FRMPD4: variants seen among roughly 807,000 people sequenced by gnomAD.
FRMPD4 encodes the protein FERM and PDZ domain containing 4, also known as FERM and PDZ domain-containing protein 4.
FRMPD4 carries 22 observed loss-of-function variants against 94.1 expected under a neutral mutation model. The observed-to-expected ratio is 0.23, with a 90% CI of 0.17 to 0.33. The LOEUF is 0.33. FRMPD4 is among the 10% of genes least tolerant of loss of function. FRMPD4 has a pLI of 1.00. For synonymous variants in FRMPD4, 631 were observed against 548.6 expected (o/e 1.15, Z -2.10); for missense variants, 1,111 against 1,339.9 (o/e 0.83, Z 2.67).
intron 1 of FRMPD4, among the ~76,000 whole-genome samples, chrX:11,831,827 T>G (rs768258548): frequency 6.3e-5 from 7 of 111,907 alleles, no homozygotes; most frequent in African/African-American, 2.3e-4. Flanking sequence ...TGGGGAAGTA[T>G]CCAGTTGATT....
intron 1 of FRMPD4, among the ~76,000 whole-genome samples, chrX:12,170,711 A>AGCGAGGAGCTCC (rs1555928828): frequency 3.6e-5 from 4 of 110,857 alleles, no homozygotes; most frequent in African/African-American, 1.3e-4. Context: ...GCTTGGTGGC[A>AGCGAGGAGCTCC]ACTCCCGCGA....
intron 1 of FRMPD4, among the ~76,000 whole-genome samples, chrX:12,399,285 C>A: frequency 9.0e-6 from 1 of 111,139 alleles, no homozygotes; most frequent in Admixed American, 9.5e-5. Flanking sequence ...CACAGCAGTT[C>A]GATGTAGATG....
intron 1 of FRMPD4, chrX:12,396,229 G>A (rs1163492854): frequency 1.8e-5 from 2 of 111,665 alleles, no homozygotes; most frequent in South Asian, 3.7e-4. Flanking sequence ...TTTGACTGAG[G>A]TGTAGAATTT....
chrX:12,225,841 T>C (rs906432598), intron 1 of FRMPD4, among the ~76,000 whole-genome samples: 5 of 111,826 alleles, frequency 4.5e-5, no homozygotes, highest in African/African-American at 1.6e-4. Flanking sequence ...TGAGGGATAA[T>C]ATAATTAAAT....
At chrX:12,699,044 A>G (rs774429207) in intron 9 of FRMPD4, among the ~76,000 whole-genome samples, 65 of 112,116 alleles carry the variant, frequency 5.8e-4, no homozygotes, top group African/African-American at 2.0e-3. Flanking sequence ...TCCTCTTTCA[A>G]TCCATTATGG....
intron 1 of FRMPD4, among the ~76,000 whole-genome samples, chrX:11,852,442 C>CAA (rs374590200): frequency 0.048 from 2,518 of 52,551 alleles, 149 homozygotes; most frequent in African/African-American, 0.16. Context: ...ACCCTGTCTC[C>CAA]AAAAAAAAAA....
At chrX:12,522,188 T>G (rs997067584) in intron 2 of FRMPD4, among the ~76,000 whole-genome samples, 2 of 111,678 alleles carry the variant, frequency 1.8e-5, no homozygotes, top group Admixed American at 9.5e-5. Flanking sequence ...TTTGGGGCCA[T>G]TTTGTCCCAG....
At chrX:12,204,581 T>A (rs1041658083) in intron 1 of FRMPD4, among the ~76,000 whole-genome samples, 8 of 111,266 alleles carry the variant, frequency 7.2e-5, no homozygotes, top group African/African-American at 2.0e-4. Context: ...ATCCCTTTGA[T>A]TTTCGAAGCC....
intron 1 of FRMPD4, among the ~76,000 whole-genome samples, chrX:12,386,582 T>A (rs2056400374): frequency 8.9e-6 from 1 of 111,921 alleles, no homozygotes; most frequent in African/African-American, 3.2e-5. Context: ...AGAACCAGAA[T>A]GAATTATCTG....
rs752624463 is a variant in FRMPD4, at chrX:12,203,284, A to C, written c.41+64272A>C. On this transcript the variant is annotated intron_variant, in intron 1 of 16. Coordinates refer to ENST00000675598, the MANE Select transcript of FRMPD4 (RefSeq NM_001368397.1). Reference sequence around the variant, plus strand: ...ACTGTTCGAGAAATTTGGGAGTCAAAGTCAAGGATACTTTTGTTGGTATCA... The same window carrying C: ...ACTGTTCGAGAAATTTGGGAGTCAACGTCAAGGATACTTTTGTTGGTATCA... Among the ~76,000 whole-genome samples the C allele has an allele frequency of 3.6e-5, 4 of 112,055 alleles. No individual in the cohort carries two copies. The South Asian group carries it at 1.5e-3, about 42-fold the overall frequency.
chrX:12,604,939 T>C (rs1259912751), intron 2 of FRMPD4, among the ~76,000 whole-genome samples: 2 of 112,405 alleles, frequency 1.8e-5, no homozygotes, highest in Non-Finnish European at 3.8e-5. Flanking sequence ...GTGCTTACTA[T>C]GTGCTTACAT....
intron 1 of FRMPD4, among the ~76,000 whole-genome samples, chrX:11,826,972 G>A (rs1412118401): frequency 9.4e-6 from 1 of 105,988 alleles, no homozygotes; most frequent in Admixed American, 1.0e-4. Context: ...ACAGTGTGTG[G>A]CAAACTGGGC....
intron 1 of FRMPD4, among the ~76,000 whole-genome samples, chrX:12,462,628 G>A (rs2057401856): frequency 1.8e-5 from 2 of 111,880 alleles, no homozygotes; most frequent in Admixed American, 1.9e-4. Context: ...TTAAAATGGA[G>A]TTTTCCCAGT....
In FRMPD4 at chrX:12,716,317, G is replaced by T. The variant is rs767573090; in HGVS notation, c.1858G>T (p.Ala620Ser). 1.7e-6 allele frequency: 2 copies of T among 1,209,285 alleles called. No individual in the cohort carries two copies. Among genetic ancestry groups the T allele is most frequent in the Non-Finnish European group, 2.2e-6 (2 of 894,393 alleles). ...CCAGCCCGGGGAGGCCCCCTGTGAG[G>T]CAGACTACAGAAGTCTAGCTCAGCG... The part of the protein sequence containing the change: ...LSQPGEAPCE[A>S]DYRSLAQRSL... Residue 620 changes from alanine (A) to serine (S), a missense_variant, in exon 15 of 17, where the codon GCA becomes TCA. This residue lies in a region of FRMPD4 where 192 missense variants were observed against 192.5 expected (regional missense o/e 1.00). Transcript: ENST00000675598.
chrX:12,073,867 C>T (rs114605602), intron 3 of FRMPD4, among the ~76,000 whole-genome samples: 1 of 109,274 alleles, frequency 9.2e-6, no homozygotes, highest in Non-Finnish European at 1.9e-5. Flanking sequence ...CCATGTCCAA[C>T]TCTCATTTTT....
intron 2 of FRMPD4, among the ~76,000 whole-genome samples, chrX:12,549,022 G>T (rs888395375): frequency 1.8e-5 from 2 of 111,385 alleles, no homozygotes; most frequent in African/African-American, 6.5e-5. Context: ...GATTTTTTTG[G>T]CACAACTTCT....
intron 2 of FRMPD4, among the ~76,000 whole-genome samples, chrX:12,553,180 G>C (rs1167037606): frequency 1.8e-5 from 2 of 108,448 alleles, no homozygotes; most frequent in African/African-American, 3.4e-5. Context: ...AAGAAAGAAA[G>C]AAAGAAAGAA....
At chrX:12,540,133 A>G (rs1393894226) in intron 2 of FRMPD4, among the ~76,000 whole-genome samples, 1 of 112,423 alleles carries the variant, frequency 8.9e-6, no homozygotes, top group East Asian at 2.8e-4. Flanking sequence ...CACTGCAAAA[A>G]CATGACAAAC....
intron 9 of FRMPD4, 108 bp downstream of exon 9, chrX:12,694,562 T>C: frequency 1.9e-6 from 1 of 538,997 alleles, no homozygotes; most frequent in Non-Finnish European, 3.1e-6. Context: ...GTCCCCCACC[T>C]CAAGCTCAGT....
Sources: gnomAD v4.1 joint callset for allele counts (sites outside exome capture counted in the v4.1 genomes callset) on GRCh38, gnomAD v4.1.1 for gene constraint, gnomAD v4.1.1 regional missense constraint, MANE v1.5 for transcripts, NCBI Gene and HGNC (gene_info 2026-07-23, HGNC 2026-07-21) for gene names.